The following KDM1B variants were observed in gnomAD, a reference collection of about 807,000 sequenced individuals.
KDM1B encodes the protein lysine demethylase 1B, also known as lysine-specific histone demethylase 2.
Under a neutral mutation model 107.4 loss-of-function variants are expected in KDM1B, and 63 were observed. The observed-to-expected ratio is 0.59, with a 90% CI of 0.48 to 0.72. The LOEUF (loss-of-function observed/expected upper bound fraction) is 0.72. Ranked by LOEUF, KDM1B falls within the 30% of genes least tolerant of loss-of-function variation. The probability of loss-of-function intolerance (pLI) is 0.00; values close to 1 mark genes in which losing one functional copy is unlikely to be tolerated. For missense variants in KDM1B, 749 were observed against 1,020.8 expected, an observed-to-expected ratio of 0.73 and a Z score of 3.63; for synonymous variants, 363 against 363.9, an observed-to-expected ratio of 1.00 and a Z score of 0.03.
At chr6:18,174,285 T>C (rs1785850828) in intron 7 of KDM1B, among the ~76,000 whole-genome samples, 1 of 152,128 alleles carries the variant, frequency 6.6e-6, no homozygotes, top group Admixed American at 6.6e-5. Flanking sequence ...TCTAGGACCC[T>C]TATATTTCCA....
At chr6:18,160,565 C>G (rs544870430) in intron 3 of KDM1B, among the ~76,000 whole-genome samples, 1 of 151,862 alleles carries the variant, frequency 6.6e-6, no homozygotes, top group Non-Finnish European at 1.5e-5. Context: ...GGTGAAACCC[C>G]GTCTCTACTA....
intron 8 of KDM1B, 89 bp downstream of exon 8, chr6:18,185,899 TTCTTTC>T (rs1369692806): frequency 8.0e-7 from 1 of 1,252,880 alleles, no homozygotes; most frequent in Non-Finnish European, 1.2e-6. Context: ...CTTCATGAAT[TTCTTTC>T]TCTTTGGTTG....
In KDM1B at chr6:18,184,571, G is replaced by A. The variant is rs188828035; in HGVS notation, c.535-1201G>A. 9.9e-5 allele frequency among the ~76,000 whole-genome samples: 15 copies of A among 151,850 alleles called. 1 individual carries two copies. In the East Asian group the frequency reaches 2.9e-3, roughly 29 times the overall value. On this transcript the variant is annotated intron_variant, in intron 7 of 21. Coordinates refer to ENST00000650836, the MANE Select transcript of KDM1B (RefSeq NM_001364614.2). ...ATTACAGGTGTGAGCCACTGCACGGGGCCTGTTCTAACTTCTTTTGCCCAA... is the reference window on the plus strand; with the variant it reads ...ATTACAGGTGTGAGCCACTGCACGGAGCCTGTTCTAACTTCTTTTGCCCAA...
rs978311205 is a variant in KDM1B at position 18,197,605 on chromosome 6, G to T, written c.1165G>T (p.Gly389Trp). 4 of 1,613,546 alleles carry T rather than the reference G, an allele frequency of 2.5e-6. No individual in the cohort carries two copies. Among genetic ancestry groups the T allele is most frequent in the Non-Finnish European group, 3.4e-6 (4 of 1,179,758 alleles). The change falls in exon 12 of 22, where the codon GGG becomes TGG. Residue 389 changes from glycine to tryptophan, a missense_variant. Coordinates refer to ENST00000650836, the MANE Select transcript of KDM1B (RefSeq NM_001364614.2). This position sits in a 1 kb window ranked among gnomAD's most constrained non-coding sequence, Gnocchi z 4.5. ...DYHNKSVIIIGAGPAGLAAAR... is the reference protein window; with the variant it reads ...DYHNKSVIIIWAGPAGLAAAR... ...TTTTAAGAAATCAGTCATCATTATC[G>T]GGGCTGGTCCAGCAGGATTAGCAGC...
chr6:18,158,680 T>C (rs890892900), intron 2 of KDM1B, among the ~76,000 whole-genome samples: 3 of 152,258 alleles, frequency 2.0e-5, no homozygotes, highest in African/African-American at 7.2e-5. Context: ...ATGATAATTA[T>C]AGATTCTGTA....
At chr6:18,196,122 G>A (rs1055925963) in intron 10 of KDM1B, among the ~76,000 whole-genome samples, 12 of 152,168 alleles carry the variant, frequency 7.9e-5, no homozygotes, top group Non-Finnish European at 1.8e-4. Context: ...TTAACATAAT[G>A]TGCTTCTGGT....
rs944880205 is a variant in KDM1B, at chr6:18,204,313, A to G, written c.1532-1224A>G. 5.9e-5 allele frequency among the ~76,000 whole-genome samples: 9 copies of G among 151,866 alleles called. No homozygotes were observed. The highest frequency in any genetic ancestry group is 1.3e-4 in the Admixed American group (2 of 15,242). ...CAGCCTGGGCAACATGGTGAAACCC[A>G]TCTCTACTAAAAATTCAAAAATTAG... is the stretch of plus-strand genomic sequence containing the variant. On this transcript the variant is annotated intron_variant, in intron 14 of 21. Coordinates refer to ENST00000650836, the MANE Select transcript of KDM1B (RefSeq NM_001364614.2). The surrounding 1 kb of genome is among the most constrained non-coding windows in gnomAD (Gnocchi z 4.9).
At position 18,212,716 on chromosome 6, in the gene KDM1B, G is replaced by T. The variant is rs1275323254; in HGVS notation, c.1983+112G>T. The T allele has an allele frequency of 2.0e-5, 15 of 742,226 alleles. No individual in the cohort carries two copies. Among genetic ancestry groups the T allele is most frequent in the Non-Finnish European group, 1.9e-5 (8 of 419,028 alleles). 46.0% of individuals were successfully genotyped at this position (742,226 alleles called of 1,614,324 possible). On this transcript the variant is annotated intron_variant, in intron 18 of 21. Transcript: ENST00000650836. This position sits in a 1 kb window ranked among gnomAD's most constrained non-coding sequence, Gnocchi z 5.2. ...CTATCTAAATACAAATAAAACTCAA[G>T]GATTTCCTTTTCATTTGAGTAATTG...
intron 6 of KDM1B, among the ~76,000 whole-genome samples, chr6:18,169,506 G>A (rs1485500765): frequency 6.6e-6 from 1 of 152,146 alleles, no homozygotes; most frequent in East Asian, 1.9e-4. Flanking sequence ...GATTATAGGC[G>A]TGAGCCACCG....
At chr6:18,164,503 A>C (rs1785167126) in intron 5 of KDM1B, among the ~76,000 whole-genome samples, 1 of 152,120 alleles carries the variant, frequency 6.6e-6, no homozygotes, top group Non-Finnish European at 1.5e-5. Context: ...GATTCTCTCA[A>C]AATTGACCCC....
At chr6:18,166,830 GA>G (rs1785329237) in intron 6 of KDM1B, among the ~76,000 whole-genome samples, 1 of 150,132 alleles carries the variant, frequency 6.7e-6, no homozygotes. Flanking sequence ...CTCCAGCCTG[GA>G]TGACAGAGTG....
intron 7 of KDM1B, among the ~76,000 whole-genome samples, chr6:18,175,858 T>C (rs1361081800): frequency 6.6e-6 from 1 of 152,236 alleles, no homozygotes; most frequent in African/African-American, 2.4e-5. Flanking sequence ...CCATGCTGTT[T>C]TGGTGACTAT....
At chr6:18,187,384 CTT>C (rs1786939741) in intron 8 of KDM1B, among the ~76,000 whole-genome samples, 1 of 152,092 alleles carries the variant, frequency 6.6e-6, no homozygotes, top group Non-Finnish European at 1.5e-5. Flanking sequence ...TTTTAACTAT[CTT>C]GAGGTCCTAA....
Position 18,187,992 on chromosome 6 carries a change from C to G in KDM1B, c.774C>G (p.Leu258=), listed in dbSNP as rs1786989952. Residue 258 remains leucine (L), a synonymous_variant, in exon 9 of 22, where the codon CTC becomes CTG. Coordinates refer to ENST00000650836, the MANE Select transcript of KDM1B (RefSeq NM_001364614.2). ...AGCTGGAGCACTCCAAGGCTGCCCT[C>G]TCCGTGCACGGTGAGAGCCATTCCT... The part of the protein sequence containing the change: ...PGKLEHSKAA[L]SVHVPGMNRY... 5.8e-6 allele frequency: 9 copies of G among 1,550,398 alleles called. No homozygotes were observed. The East Asian group carries it at 2.2e-4, about 38-fold the overall frequency.
At position 18,186,216 on chromosome 6, in the gene KDM1B, T is replaced by C. The variant is rs966957774; in HGVS notation, c.573+406T>C. Among the ~76,000 whole-genome samples the C allele has an allele frequency of 2.0e-5, 3 of 152,164 alleles. No individual in the cohort carries two copies. Among genetic ancestry groups the C allele is most frequent in the Non-Finnish European group, 2.9e-5 (2 of 68,018 alleles). On this transcript the variant is annotated intron_variant, in intron 8 of 21. Transcript: ENST00000650836. The surrounding 1 kb of genome is among the most constrained non-coding windows in gnomAD (Gnocchi z 5.6). Reference sequence around the variant, plus strand: ...GGATTCAGCTGCAGGAGTGTTCTTATGCATTCTGACCTCAGCATGTTGGCT... The same window carrying C: ...GGATTCAGCTGCAGGAGTGTTCTTACGCATTCTGACCTCAGCATGTTGGCT...
intron 17 of KDM1B, among the ~76,000 whole-genome samples, chr6:18,210,362 T>TTTTTTTTTTTTTG (rs1788769785): frequency 9.8e-6 from 1 of 101,932 alleles, no homozygotes; most frequent in Non-Finnish European, 1.9e-5. Flanking sequence ...TTTTTTTTTT[T>TTTTTTTTTTTTTG]TTTTTTTTTT....
At chr6:18,156,448 A>C (rs1329137305) in intron 2 of KDM1B, among the ~76,000 whole-genome samples, 2 of 152,098 alleles carry the variant, frequency 1.3e-5, no homozygotes, top group Non-Finnish European at 2.9e-5. Context: ...CACATAACTC[A>C]AGGCTTTGAC....
Position 18,223,271 on chromosome 6 carries a change from G to A in KDM1B, c.*1279G>A, listed in dbSNP as rs114815012. The A allele has an allele frequency of 0.015, 2,284 of 152,158 alleles. 21 individuals are homozygous for A. Among genetic ancestry groups the A allele is most frequent in the South Asian group, 0.021 (99 of 4,806 alleles). 9.4% of individuals were successfully genotyped at this position (152,158 alleles called of 1,614,324 possible). ...ATTTAAAAGTAGGTCAGTTTATAAC[G>A]AGTAAATACCTAACACACCAAGAAT... On this transcript the variant is annotated 3_prime_UTR_variant, in exon 22 of 22. Coordinates refer to ENST00000650836, the MANE Select transcript of KDM1B (RefSeq NM_001364614.2).
At chr6:18,208,357 T>G in intron 17 of KDM1B, 151 bp downstream of exon 17, 3 of 589,672 alleles carry the variant, frequency 5.1e-6, no homozygotes, top group Non-Finnish European at 9.0e-6. Flanking sequence ...TCTACTTAAT[T>G]GTATGTAGAT....
Sources: gnomAD v4.1 joint callset for allele counts (sites outside exome capture counted in the v4.1 genomes callset) on GRCh38, gnomAD v4.1.1 for gene constraint, Gnocchi (gnomAD v3.1) non-coding constraint, MANE v1.5 for transcripts, NCBI Gene and HGNC (gene_info 2026-07-23, HGNC 2026-07-21) for gene names.